Variants in COQ2 observed in about 807,000 individuals in gnomAD.
COQ2 encodes coenzyme Q2, polyprenyltransferase.
COQ2 carries 25 observed loss-of-function variants against 35.7 expected under a neutral mutation model. That is an observed-to-expected ratio of 0.70 (90% confidence interval 0.51 to 0.98). The LOEUF is 0.98. Among genes scored for constraint, COQ2 ranks in the 50% least tolerant of loss-of-function variants. The probability of loss-of-function intolerance (pLI) is 0.00; values close to 1 mark genes in which losing one functional copy is unlikely to be tolerated. For synonymous variants in COQ2, 206 were observed against 186.2 expected (o/e 1.11, Z -0.86); for missense variants, 488 against 473.5 (o/e 1.03, Z -0.28).
chr4:83,281,327 A>T (rs1310680376), intron 1 of COQ2: 1 of 152,220 alleles, frequency 6.6e-6, no homozygotes, highest in Admixed American at 6.5e-5. Flanking sequence ...CACTAAAAAG[A>T]AAAAAATTCT....
chr4:83,283,475 G>T, intron 1 of COQ2: 2 of 985,408 alleles, frequency 2.0e-6, no homozygotes, highest in Non-Finnish European at 2.4e-6. Flanking sequence ...AGTACTTCCC[G>T]CACTAAGATC....
At chr4:83,264,474 T>A (rs1433485108) in intron 6 of COQ2, 111 bp from the exon 7 acceptor site, 14 of 1,444,634 alleles carry the variant, frequency 9.7e-6, no homozygotes, top group African/African-American at 1.5e-5. Context: ...AATACAAATA[T>A]AAAAAATGAA....
intron 1 of COQ2, among the ~76,000 whole-genome samples, chr4:83,280,664 TAA>T (rs1735299169): frequency 6.6e-6 from 1 of 152,182 alleles, no homozygotes; most frequent in South Asian, 2.1e-4. Context: ...CAAAACTATC[TAA>T]GTTAGTTAGC....
Position 83,278,807 on chromosome 4 carries a change from A to G in COQ2, c.420+141T>C. ...TGCACTTTGCAATACCAGCTATTCA[A>G]CTGATCCTGGCATTTTCCATGCTGG... On this transcript the variant is annotated intron_variant, in intron 2 of 6. Transcript: ENST00000647002. The G allele has an allele frequency of 3.0e-6, 3 of 984,042 alleles. No homozygotes were observed. In the South Asian group the frequency reaches 7.0e-5, roughly 23 times the overall value. The allele number at this position is 984,042 out of a possible 1,614,324, so 61.0% of individuals were successfully genotyped here.
chr4:83,267,616 C>G lies in COQ2; in HGVS notation c.921G>C (p.Leu307=). ...SGQTAPYYAA[L]GAVGAHLTHQ... ...GAGTCAGATGGGCTCCTACAGCACC[C>G]AGGGCAGCGTAGTAGGGAGCAGTCT... The change falls in exon 6 of 7, where the codon CTG becomes CTC. Residue 307 remains leucine, a synonymous_variant. Transcript: ENST00000647002. 6.3e-7 allele frequency: 1 copy of G among 1,586,272 alleles called. No homozygotes were observed. The highest frequency in any genetic ancestry group is 8.6e-7 in the Non-Finnish European group (1 of 1,166,708).
intron 1 of COQ2, chr4:83,282,482 G>C (rs1203017911): frequency 4.7e-6 from 1 of 211,000 alleles, no homozygotes; most frequent in Admixed American, 6.5e-5. Context: ...TTTGTTGAGC[G>C]AATTCTAACA....
chr4:83,274,315 T>C (rs546341269), intron 2 of COQ2, among the ~76,000 whole-genome samples: 1 of 152,142 alleles, frequency 6.6e-6, no homozygotes, highest in South Asian at 2.1e-4. Flanking sequence ...TGTCTCAGCC[T>C]CCCAAGTAGC....
Position 83,278,984 on chromosome 4 carries a change from A to C in COQ2, c.384T>G (p.Thr128=), listed in dbSNP as rs1337978942. 6.2e-7 allele frequency: 1 copy of C among 1,607,238 alleles called. No individual in the cohort carries two copies. The highest frequency in any genetic ancestry group is 8.5e-7 in the Non-Finnish European group (1 of 1,177,092). Residue 128 remains threonine, a synonymous_variant, in exon 2 of 7, where the codon ACT becomes ACG. Transcript: ENST00000647002. Reference sequence around the variant, plus strand: ...AGTCCTGGTCCCACATGTCATTAATAGTACAGCCTGCTCCACGCATCAGAA... The same window carrying C: ...AGTCCTGGTCCCACATGTCATTAATCGTACAGCCTGCTCCACGCATCAGAA... ...GAILMRGAGC[T]INDMWDQDYD... is the part of the protein sequence containing the mutation.
At chr4:83,284,278 G>A (rs1270601092) in intron 1 of COQ2, 1 of 985,260 alleles carries the variant, frequency 1.0e-6, no homozygotes, top group Non-Finnish European at 1.2e-6. Flanking sequence ...CGTGTCCTGA[G>A]GTGACTCGCC....
intron 1 of COQ2, among the ~76,000 whole-genome samples, chr4:83,279,600 T>C (rs763659887): frequency 2.6e-5 from 4 of 152,114 alleles, no homozygotes; most frequent in African/African-American, 4.8e-5. Context: ...TATATATATA[T>C]ACGTACCTAC....
rs1228810444 is a variant in COQ2, at chr4:83,273,500, A to G, written c.538T>C (p.Tyr180His). ...ALGVLLCLNY[Y>H]SIALGAGSLL... ...TGTGGAAAACGTTTAATATACCTGT[A>G]GTAATTTAGACACAGAAGAACACCC... The change falls in exon 3 of 7, where the codon TAC becomes CAC. Residue 180 changes from tyrosine (Y) to histidine (H), a missense_variant. Tyr to His is a moderately conservative substitution (Grantham distance 83). Transcript: ENST00000647002. 6.2e-7 allele frequency: 1 copy of G among 1,612,370 alleles called. No homozygotes were observed. Among genetic ancestry groups the G allele is most frequent in the Non-Finnish European group, 8.5e-7 (1 of 1,179,292 alleles).
intron 6 of COQ2, chr4:83,267,146 C>A (rs1734937943): frequency 2.2e-6 from 1 of 453,452 alleles, no homozygotes; most frequent in African/African-American, 2.0e-5. Flanking sequence ...GAGACCAGGG[C>A]AGGAAGATTG....
intron 6 of COQ2, among the ~76,000 whole-genome samples, chr4:83,265,567 C>T (rs778728556): frequency 2.0e-5 from 3 of 147,762 alleles, no homozygotes; most frequent in Non-Finnish European, 3.0e-5. Flanking sequence ...AGAGGGAAGA[C>T]TCTGTTTCAA....
At chr4:83,266,785 A>G (rs1344244347) in intron 6 of COQ2, 1 of 172,106 alleles carries the variant, frequency 5.8e-6, no homozygotes, top group East Asian at 1.9e-4. Flanking sequence ...AATATCCTGA[A>G]ATGACAGCTT....
chr4:83,282,926 G>A (rs945941967), intron 1 of COQ2, among the ~76,000 whole-genome samples: 5 of 152,194 alleles, frequency 3.3e-5, no homozygotes, highest in Non-Finnish European at 5.9e-5. Context: ...CTGGGGAAAT[G>A]GGAATAATGG....
At chr4:83,273,240 G>A (rs1735091345) in intron 3 of COQ2, among the ~76,000 whole-genome samples, 1 of 152,194 alleles carries the variant, frequency 6.6e-6, no homozygotes, top group African/African-American at 2.4e-5. Context: ...AAATTGCCTT[G>A]TGTCCCTTAG....
At chr4:83,278,022 A>G (rs1246712579) in intron 2 of COQ2, among the ~76,000 whole-genome samples, 1 of 136,622 alleles carries the variant, frequency 7.3e-6, no homozygotes, top group Admixed American at 7.4e-5. Context: ...ACACACACAC[A>G]CGTAACACTA....
chr4:83,264,367 C>T lies in COQ2; in HGVS notation c.952-4G>A. The T allele has an allele frequency of 3.1e-6, 5 of 1,591,648 alleles. No homozygotes were observed. The highest frequency in any genetic ancestry group is 1.2e-5 in the South Asian group (1 of 86,016). On this transcript the variant is annotated splice_polypyrimidine_tract_variant and splice_region_variant and intron_variant, in intron 6 of 6. Coordinates refer to ENST00000647002, the MANE Select transcript of COQ2 (RefSeq NM_001358921.2). Reference sequence around the variant, plus strand: ...TGTGGATGTCTAGAGTGTAAATCTGCAAGAGAGGAATACAAAGTTGTATTA... The same window carrying T: ...TGTGGATGTCTAGAGTGTAAATCTGTAAGAGAGGAATACAAAGTTGTATTA...
At chr4:83,269,678 G>A (rs560053014) in intron 5 of COQ2, among the ~76,000 whole-genome samples, 182 bp downstream of exon 5, 3 of 151,846 alleles carry the variant, frequency 2.0e-5, no homozygotes, top group African/African-American at 7.3e-5. Context: ...AAAAAATTTT[G>A]TTGGAGCCAT....
Sources: gnomAD v4.1 joint callset for allele counts (sites outside exome capture counted in the v4.1 genomes callset) on GRCh38, gnomAD v4.1.1 for gene constraint, MANE v1.5 for transcripts, NCBI Gene and HGNC (gene_info 2026-07-23, HGNC 2026-07-21) for gene names.